Variants in KCNN3 observed in about 807,000 individuals in gnomAD.
The protein encoded by KCNN3 is potassium calcium-activated channel subfamily N member 3.
KCNN3 carries 16 observed loss-of-function variants against 62.9 expected under a neutral mutation model. That is an observed-to-expected ratio of 0.25 (90% CI 0.17 to 0.39). The LOEUF (loss-of-function observed/expected upper bound fraction) is 0.39. KCNN3 is among the 10% of genes least tolerant of loss of function. KCNN3 has a pLI of 1.00. For missense variants in KCNN3, 599 were observed against 949.4 expected (o/e 0.63, Z 4.85); for synonymous variants, 370 against 389.2 (o/e 0.95, Z 0.58).
rs1328243121 is a variant in KCNN3 at position 154,705,585 on chromosome 1, A to T, written c.*2391T>A. On this transcript the variant is annotated 3_prime_UTR_variant, in exon 8 of 8. Coordinates refer to ENST00000271915, the MANE Select transcript of KCNN3 (RefSeq NM_002249.6). Reference sequence around the variant, plus strand: ...AGGGTTTACCTAAGTGAGAGCATCAATGATGGGTTAAAGTCACAGACCACA... The same window carrying T: ...AGGGTTTACCTAAGTGAGAGCATCATTGATGGGTTAAAGTCACAGACCACA... 1 of 152,348 alleles carries T rather than the reference A, an allele frequency of 6.6e-6. No individual in the cohort carries two copies. Among genetic ancestry groups the T allele is most frequent in the Non-Finnish European group, 1.5e-5 (1 of 68,032 alleles). 9.4% of individuals were successfully genotyped at this position (152,348 alleles called of 1,614,324 possible).
intron 1 of KCNN3, among the ~76,000 whole-genome samples, chr1:154,863,210 G>C (rs1261201605): frequency 6.6e-6 from 1 of 152,084 alleles, no homozygotes; most frequent in Non-Finnish European, 1.5e-5. Context: ...CTGAGCTCCT[G>C]GGGGTGGAAT....
At chr1:154,852,200 T>C (rs1558007504) in intron 1 of KCNN3, among the ~76,000 whole-genome samples, 1 of 137,020 alleles carries the variant, frequency 7.3e-6, no homozygotes, top group Non-Finnish European at 1.6e-5. Flanking sequence ...CTTGAGTGTG[T>C]GAATCTATTC....
At chr1:154,769,171 G>C (rs1371029260) in intron 3 of KCNN3, among the ~76,000 whole-genome samples, 11 of 152,056 alleles carry the variant, frequency 7.2e-5, no homozygotes, top group Admixed American at 3.3e-4. Flanking sequence ...TCCAGGACCC[G>C]GGCTCTCCTT....
intron 1 of KCNN3, among the ~76,000 whole-genome samples, chr1:154,828,489 G>A (rs1025125233): frequency 1.2e-4 from 19 of 152,056 alleles, no homozygotes; most frequent in African/African-American, 3.6e-4. Flanking sequence ...GTCATGGGGG[G>A]GCTAACGAAG....
chr1:154,811,976 C>T (rs1159176121), intron 2 of KCNN3, among the ~76,000 whole-genome samples: 1 of 152,218 alleles, frequency 6.6e-6, no homozygotes, highest in Non-Finnish European at 1.5e-5. Flanking sequence ...AGACGCTGGC[C>T]TCCCTGAGCT....
At chr1:154,743,134 C>T (rs1700861390) in intron 3 of KCNN3, among the ~76,000 whole-genome samples, 1 of 151,960 alleles carries the variant, frequency 6.6e-6, no homozygotes, top group Admixed American at 6.5e-5. Flanking sequence ...TGTCCAGCCC[C>T]ACCCTCTCAC....
chr1:154,851,141 G>C (rs544163061), intron 1 of KCNN3, among the ~76,000 whole-genome samples: 1 of 152,248 alleles, frequency 6.6e-6, no homozygotes, highest in African/African-American at 2.4e-5. Flanking sequence ...ACCATGCCCG[G>C]CTAATTTTTG....
At position 154,772,169 on chromosome 1, in the gene KCNN3, G is replaced by A. The variant is rs1489445780; in HGVS notation, c.1254C>T (p.Ile418=). 13 of 1,614,228 alleles carry A rather than the reference G, an allele frequency of 8.1e-6. 1 individual carries two copies. The highest frequency in any genetic ancestry group is 4.0e-5 in the African/African-American group (3 of 75,052). The change falls in exon 3 of 8, where the codon ATC becomes ATT. Residue 418 remains isoleucine (I), a synonymous_variant. Transcript: ENST00000271915. The surrounding 1 kb of genome is among the most constrained non-coding windows in gnomAD (Gnocchi z 5.6). The part of the protein sequence containing the change: ...SIPMFLRLYL[I]ARVMLLHSKL... ...TGCTGTGCAGCAGCATGACTCGGGC[G>A]ATCAGGTACAGGCGCAGGAACATGG...
intron 3 of KCNN3, among the ~76,000 whole-genome samples, chr1:154,738,097 T>A (rs940338118): frequency 6.6e-6 from 1 of 152,146 alleles, no homozygotes; most frequent in Non-Finnish European, 1.5e-5. Flanking sequence ...CTTAAGGGCA[T>A]GAGTTTCTAG....
chr1:154,749,275 T>G (rs12061331), intron 3 of KCNN3, among the ~76,000 whole-genome samples: 11,291 of 152,362 alleles, frequency 0.074, 600 homozygotes, highest in African/African-American at 0.14. Context: ...GCATAGGCAG[T>G]GCTCCTGGCA....
intron 3 of KCNN3, among the ~76,000 whole-genome samples, chr1:154,754,759 C>T (rs551179792): frequency 1.1e-4 from 17 of 152,324 alleles, no homozygotes; most frequent in African/African-American, 2.4e-4. Context: ...GACACCTTTC[C>T]GGACTTCTTT....
chr1:154,730,501 G>A lies in KCNN3; in HGVS notation c.1590+2502C>T, dbSNP rs1039851057. On this transcript the variant is annotated intron_variant, in intron 4 of 7. Transcript: ENST00000271915. Reference sequence around the variant, plus strand: ...CATAGTGTTGGGAGGTTGGGAGGAGGAGGGGAAAGGATCCTCAGCAAAGTG... The same window carrying A: ...CATAGTGTTGGGAGGTTGGGAGGAGAAGGGGAAAGGATCCTCAGCAAAGTG... 1.3e-5 allele frequency among the ~76,000 whole-genome samples: 2 copies of A among 152,182 alleles called. 1 individual carries two copies. The highest frequency in any genetic ancestry group is 4.8e-5 in the African/African-American group (2 of 41,426).
chr1:154,766,416 T>TATATATATATATATATATATATA (rs1553231981), intron 3 of KCNN3, among the ~76,000 whole-genome samples: 3 of 71,804 alleles, frequency 4.2e-5, no homozygotes, highest in East Asian at 3.3e-4. Context: ...TAGCCAGGCT[T>TATATATATATATATATATATATA]TATATATATA....
chr1:154,711,603 T>C (rs1557936450), intron 7 of KCNN3, among the ~76,000 whole-genome samples: 2 of 152,110 alleles, frequency 1.3e-5, no homozygotes, highest in Non-Finnish European at 2.9e-5. Flanking sequence ...GAAATACTGC[T>C]ACTCATGGAA....
chr1:154,706,383 T>C lies in KCNN3; in HGVS notation c.*1593A>G, dbSNP rs1571195039. ...TTTGTTTTACCATCAACAGATGAAATAGTCCATACAGTGCCATTCAATTTC... is the reference window on the plus strand; with the variant it reads ...TTTGTTTTACCATCAACAGATGAAACAGTCCATACAGTGCCATTCAATTTC... On this transcript the variant is annotated 3_prime_UTR_variant, in exon 8 of 8. Coordinates refer to ENST00000271915, the MANE Select transcript of KCNN3 (RefSeq NM_002249.6). 6.6e-6 allele frequency: 1 copy of C among 152,174 alleles called. No individual in the cohort carries two copies. Among genetic ancestry groups the C allele is most frequent in the African/African-American group, 2.4e-5 (1 of 41,428 alleles). 9.4% of individuals were successfully genotyped at this position (152,174 alleles called of 1,614,324 possible). A position where few individuals can be genotyped will look rare whatever the true frequency, so the allele number is the denominator to read the frequency against.
At chr1:154,863,423 A>T (rs1652838748) in intron 1 of KCNN3, among the ~76,000 whole-genome samples, 1 of 152,110 alleles carries the variant, frequency 6.6e-6, no homozygotes, top group South Asian at 2.1e-4. Flanking sequence ...AGAGAAGAAA[A>T]AGAACTACAA....
intron 1 of KCNN3, among the ~76,000 whole-genome samples, chr1:154,840,194 T>C (rs2101910863): frequency 6.6e-6 from 1 of 152,268 alleles, no homozygotes; most frequent in South Asian, 2.1e-4. Context: ...AAAAGCAATA[T>C]ATTTTATTAA....
intron 1 of KCNN3, among the ~76,000 whole-genome samples, chr1:154,831,058 C>T (rs577286539): frequency 1.3e-5 from 2 of 152,152 alleles, no homozygotes; most frequent in Non-Finnish European, 2.9e-5. Context: ...AGATTCCATG[C>T]GATTCAATCA....
chr1:154,758,526 C>A (rs977017735), intron 3 of KCNN3, among the ~76,000 whole-genome samples: 1 of 152,200 alleles, frequency 6.6e-6, no homozygotes, highest in African/African-American at 2.4e-5. Flanking sequence ...GGCTCCCAGG[C>A]GCCTTTTGGG....
Sources: allele counts gnomAD v4.1 joint callset (sites outside exome capture counted in the v4.1 genomes callset), GRCh38; gene constraint gnomAD v4.1.1; non-coding constraint Gnocchi (gnomAD v3.1); transcripts MANE v1.5; gene names NCBI Gene and HGNC (gene_info 2026-07-23, HGNC 2026-07-21).